Variants in TSACC observed in about 807,000 individuals in gnomAD.
The protein encoded by TSACC is TSSK6-activating co-chaperone protein.
A neutral mutation model predicts 6.9 loss-of-function variants in TSACC; 3 were observed. That is an observed-to-expected ratio of 0.43 (90% confidence interval 0.20 to 1.12). The LOEUF (loss-of-function observed/expected upper bound fraction) is 1.12, where lower values mean the gene tolerates loss of function less well. TSACC is among the 50% of genes most tolerant of loss of function. The pLI, the probability that TSACC is intolerant of heterozygous loss-of-function variation, is 0.28. For missense variants in TSACC, 137 were observed against 143.9 expected (o/e 0.95, Z 0.24); for synonymous variants, 54 against 55.1 (o/e 0.98, Z 0.09).
At chr1:156,342,832 T>C (rs1174988205) in intron 2 of TSACC, among the ~76,000 whole-genome samples, 3 of 152,364 alleles carry the variant, frequency 2.0e-5, no homozygotes, top group African/African-American at 7.2e-5. Context: ...CTATCTCTTA[T>C]GTGTATGATG....
At chr1:156,341,924 T>C (rs1322225447) in intron 2 of TSACC, among the ~76,000 whole-genome samples, 1 of 151,950 alleles carries the variant, frequency 6.6e-6, no homozygotes, top group Non-Finnish European at 1.5e-5. Flanking sequence ...TAGCCGGGCA[T>C]TGTAGTGGGC....
At chr1:156,338,193 G>C, upstream of TSACC, 1 of 1,586,844 alleles carries the variant, frequency 6.3e-7, no homozygotes, top group Non-Finnish European at 8.6e-7. Context: ...ATGGCGACGC[G>C]ATGCAGAGCC....
In TSACC at chr1:156,339,262, C is replaced by CAA. The variant is rs34441809; in HGVS notation, c.-124-357_-124-356dup. On this transcript the variant is annotated intron_variant, in intron 1 of 3. Transcript: ENST00000368254. ...CTGGCGACAGAGCGAGACTCCATCT[C>CAA]AAAAAAAAAAAAAAAAGTATTCCCT... Among the ~76,000 whole-genome samples, 155 of 136,762 alleles carry CAA rather than the reference C, an allele frequency of 1.1e-3. 1 individual carries two copies. Among genetic ancestry groups the CAA allele is most frequent in the African/African-American group, 4.2e-3 (150 of 35,766 alleles). The allele number at this position is 136,762 out of a possible 152,430, so 89.7% of individuals were successfully genotyped here.
chr1:156,338,533 C>T lies in TSACC; in HGVS notation c.-197C>T. ...AGGCGCCAAGGCTCTGGCAGTTGGC[C>T]AGCACACCACTACGCATGTGTGTCA... On this transcript the variant is annotated 5_prime_UTR_variant, in exon 1 of 4. Transcript: ENST00000368254. 2.1e-6 allele frequency: 1 copy of T among 469,698 alleles called. No homozygotes were observed. Among genetic ancestry groups the T allele is most frequent in the East Asian group, 3.8e-5 (1 of 26,606 alleles). 29.1% of individuals were successfully genotyped at this position (469,698 alleles called of 1,614,324 possible).
upstream of TSACC, chr1:156,338,053 C>T: frequency 7.8e-7 from 1 of 1,288,776 alleles, no homozygotes; most frequent in South Asian, 1.3e-5. Flanking sequence ...TTGGAAGGCT[C>T]AGTGGCCCGG....
chr1:156,339,697 T>A lies in TSACC; in HGVS notation c.-61T>A. On this transcript the variant is annotated 5_prime_UTR_variant, in exon 2 of 4. An upstream start codon of the reference 5' UTR is lost. Coordinates refer to ENST00000368254, the MANE Select transcript of TSACC (RefSeq NM_001304817.2). ...AATTATCATAGTGAAAATACTAACA[T>A]GGATTGTTGATCATCTGATGCTATG... 6.2e-7 allele frequency: 1 copy of A among 1,605,204 alleles called. No individual in the cohort carries two copies. The highest frequency in any genetic ancestry group is 1.3e-5 in the African/African-American group (1 of 74,866).
At chr1:156,340,389 G>A (rs530865832) in intron 2 of TSACC, among the ~76,000 whole-genome samples, 2 of 151,700 alleles carry the variant, frequency 1.3e-5, no homozygotes, top group South Asian at 4.1e-4. Flanking sequence ...TTAATCTCCT[G>A]ACCTTGTGAT....
rs1394442570 is a variant in TSACC, at chr1:156,339,715, A to T, written c.-43A>T. On this transcript the variant is annotated 5_prime_UTR_variant, in exon 2 of 4. An upstream start codon of the reference 5' UTR is lost. Coordinates refer to ENST00000368254, the MANE Select transcript of TSACC (RefSeq NM_001304817.2). ...ACTAACATGGATTGTTGATCATCTGATGCTATGATTCTTTCCCAGGCACCA... is the reference window on the plus strand; with the variant it reads ...ACTAACATGGATTGTTGATCATCTGTTGCTATGATTCTTTCCCAGGCACCA... 2 of 1,612,508 alleles carry T rather than the reference A, an allele frequency of 1.2e-6. No individual in the cohort carries two copies. The highest frequency in any genetic ancestry group is 1.7e-6 in the Non-Finnish European group (2 of 1,178,966).
upstream of TSACC, chr1:156,338,176 G>C (rs1384032956): frequency 6.3e-7 from 1 of 1,588,542 alleles, no homozygotes; most frequent in South Asian, 1.2e-5. Context: ...CTGGACGATG[G>C]CCCATCATGG....
chr1:156,345,857 G>C (rs563455338), intron 3 of TSACC, among the ~76,000 whole-genome samples: 70 of 148,450 alleles, frequency 4.7e-4, no homozygotes, highest in African/African-American at 1.7e-3. Context: ...ACAGAGCAAG[G>C]CTCCATTGAA....
intron 3 of TSACC, among the ~76,000 whole-genome samples, 158 bp downstream of exon 3, chr1:156,344,866 A>G (rs1160738172): frequency 2.6e-5 from 4 of 152,348 alleles, no homozygotes; most frequent in African/African-American, 9.6e-5. Context: ...TTTCATTGAT[A>G]TCATTATCAT....
intron 2 of TSACC, among the ~76,000 whole-genome samples, chr1:156,340,928 C>A (rs1665844733): frequency 6.6e-6 from 1 of 152,168 alleles, no homozygotes; most frequent in Admixed American, 6.5e-5. Flanking sequence ...CTCCTTGATT[C>A]AAGTGATTCT....
chr1:156,342,865 T>C (rs1014087121), intron 2 of TSACC, among the ~76,000 whole-genome samples: 4 of 152,244 alleles, frequency 2.6e-5, no homozygotes, highest in African/African-American at 7.2e-5. Context: ...TTTACCATCC[T>C]TTCTTGATTT....
chr1:156,342,430 C>T (rs904273973), intron 2 of TSACC, among the ~76,000 whole-genome samples: 1 of 152,218 alleles, frequency 6.6e-6, no homozygotes, highest in Non-Finnish European at 1.5e-5. Flanking sequence ...CAGTGACCTT[C>T]CAGACAGAAA....
intron 3 of TSACC, among the ~76,000 whole-genome samples, chr1:156,345,408 C>T (rs1359848726): frequency 6.6e-6 from 1 of 151,670 alleles, no homozygotes; most frequent in African/African-American, 2.4e-5. Flanking sequence ...ACTAAAAATA[C>T]AAAAATAAGC....
At chr1:156,338,813 C>CT (rs1295129675) in intron 1 of TSACC, 3 of 154,034 alleles carry the variant, frequency 1.9e-5, no homozygotes, top group Non-Finnish European at 2.9e-5. Context: ...ACTGCGCAGC[C>CT]TTTTTCCGGG....
At chr1:156,340,260 G>A (rs1003714900) in intron 2 of TSACC, among the ~76,000 whole-genome samples, 5 of 152,172 alleles carry the variant, frequency 3.3e-5, no homozygotes, top group Non-Finnish European at 5.9e-5. Flanking sequence ...CTGGGTTCAC[G>A]CCATTCTCCT....
chr1:156,337,528 G>A (rs73008701), upstream of TSACC: 1,758 of 169,332 alleles, frequency 0.01, 32 homozygotes, highest in African/African-American at 0.041. Flanking sequence ...CGGAGGGAAC[G>A]ATTACATCTA....
intron 2 of TSACC, 77 bp downstream of exon 2, chr1:156,339,868 G>A (rs1223962159): frequency 9.2e-6 from 14 of 1,516,268 alleles, no homozygotes; most frequent in Non-Finnish European, 5.5e-6. Context: ...TGGGAGCATT[G>A]CTGTATTCCC....
Sources: gnomAD v4.1 joint callset for allele counts (sites outside exome capture counted in the v4.1 genomes callset) on GRCh38, gnomAD v4.1.1 for gene constraint, MANE v1.5 for transcripts, NCBI Gene and HGNC (gene_info 2026-07-23, HGNC 2026-07-21) for gene names.